Variants in SEMA5A observed in about 807,000 individuals in gnomAD.
The protein encoded by SEMA5A is semaphorin-5A.
Under a neutral mutation model 135.5 loss-of-function variants are expected in SEMA5A, and 55 were observed. The ratio of observed to expected loss-of-function variants is 0.41; its 90% CI spans 0.33 to 0.51. The LOEUF (loss-of-function observed/expected upper bound fraction) is 0.51. Ranked by LOEUF, SEMA5A falls within the 20% of genes least tolerant of loss-of-function variation. SEMA5A has a pLI of 0.37. For synonymous variants in SEMA5A, 580 were observed against 546.5 expected (o/e 1.06, Z -0.85); for missense variants, 1,290 against 1,419.9 (o/e 0.91, Z 1.47).
chr5:9,390,716 C>T (rs1247670005), intron 2 of SEMA5A, among the ~76,000 whole-genome samples: 2 of 151,042 alleles, frequency 1.3e-5, no homozygotes, highest in African/African-American at 4.9e-5. Flanking sequence ...GAGCACTAAT[C>T]ACCATTTTTG....
chr5:9,249,366 T>A (rs1422392875), intron 5 of SEMA5A, among the ~76,000 whole-genome samples: 1 of 152,186 alleles, frequency 6.6e-6, no homozygotes, highest in Non-Finnish European at 1.5e-5. Flanking sequence ...TTACTCCGGC[T>A]AACCATGCCA....
At chr5:9,196,117 G>A (rs1256555716) in intron 10 of SEMA5A, among the ~76,000 whole-genome samples, 2 of 152,232 alleles carry the variant, frequency 1.3e-5, no homozygotes, top group Non-Finnish European at 2.9e-5. Context: ...TGCTAAAAAT[G>A]ACAGCTGTGA....
In SEMA5A at chr5:9,069,872, C is replaced by T. The variant is rs188141786; in HGVS notation, c.2074-3226G>A. 2.3e-4 allele frequency among the ~76,000 whole-genome samples: 35 copies of T among 152,246 alleles called. No homozygotes were observed. The East Asian group carries it at 4.4e-3, about 19-fold the overall frequency. ...CAGTCATGTGAAAAGCCAGGCACAA[C>T]GCGTGTGTGATCTCTTTCACTTGGA... On this transcript the variant is annotated intron_variant, in intron 16 of 22. Coordinates refer to ENST00000382496, the MANE Select transcript of SEMA5A (RefSeq NM_003966.3).
chr5:9,377,994 C>A (rs1200482538), intron 3 of SEMA5A, among the ~76,000 whole-genome samples: 1 of 152,074 alleles, frequency 6.6e-6, no homozygotes, highest in Non-Finnish European at 1.5e-5. Context: ...TCTCAAGAGG[C>A]TACACTGGGC....
intron 5 of SEMA5A, among the ~76,000 whole-genome samples, chr5:9,282,604 G>GA (rs946851689): frequency 1.7e-4 from 26 of 152,076 alleles, no homozygotes; most frequent in Admixed American, 4.6e-4. Context: ...TAGAAAATAA[G>GA]AAAAAAACAG....
intron 16 of SEMA5A, among the ~76,000 whole-genome samples, chr5:9,091,450 T>G (rs1739029696): frequency 6.6e-6 from 1 of 151,838 alleles, no homozygotes. Flanking sequence ...CCTGAGAAGT[T>G]TGTGTAAGAT....
intron 6 of SEMA5A, 21 bp from the exon 7 acceptor site, chr5:9,226,988 T>A (rs748861147): frequency 2.9e-5 from 36 of 1,257,674 alleles, no homozygotes; most frequent in Middle Eastern, 2.0e-4. Flanking sequence ...ATAAATAAAT[T>A]AATTAAAAAT....
At chr5:9,405,873 G>A (rs950880521) in intron 2 of SEMA5A, among the ~76,000 whole-genome samples, 10 of 152,222 alleles carry the variant, frequency 6.6e-5, no homozygotes, top group Admixed American at 6.5e-5. Context: ...ACTCATCCAC[G>A]GTGAGCAGAT....
chr5:9,080,625 C>A (rs1458021133), intron 16 of SEMA5A, among the ~76,000 whole-genome samples: 1 of 151,810 alleles, frequency 6.6e-6, no homozygotes, highest in Non-Finnish European at 1.5e-5. Flanking sequence ...CTACTAAAGA[C>A]CTCCACAAAG....
chr5:9,130,760 T>G (rs181744195), intron 13 of SEMA5A, among the ~76,000 whole-genome samples: 2 of 152,324 alleles, frequency 1.3e-5, no homozygotes, highest in Admixed American at 1.3e-4. Context: ...TCACCTACTC[T>G]CTAAGCATCA....
intron 21 of SEMA5A, among the ~76,000 whole-genome samples, chr5:9,046,119 G>A (rs114539055): frequency 0.019 from 2,905 of 152,266 alleles, 96 homozygotes; most frequent in African/African-American, 0.066. Flanking sequence ...TGCTGCCCAT[G>A]GGGTACTGGC....
chr5:9,184,795 G>A (rs1320161517), intron 11 of SEMA5A, among the ~76,000 whole-genome samples: 8 of 151,604 alleles, frequency 5.3e-5, no homozygotes, highest in Non-Finnish European at 1.2e-4. Context: ...AAGTAACTTT[G>A]TGGCACATGT....
chr5:9,120,768 T>C (rs1740770592), intron 14 of SEMA5A, among the ~76,000 whole-genome samples: 2 of 149,748 alleles, frequency 1.3e-5, no homozygotes. Context: ...TTAAATCTTT[T>C]AGCAAATGTG....
At chr5:9,256,511 C>T (rs1481353866) in intron 5 of SEMA5A, among the ~76,000 whole-genome samples, 1 of 152,192 alleles carries the variant, frequency 6.6e-6, no homozygotes, top group Non-Finnish European at 1.5e-5. Context: ...AAGAGTAGAC[C>T]ATTCTTTGCC....
At chr5:9,456,254 G>A (rs1005384447) in intron 1 of SEMA5A, among the ~76,000 whole-genome samples, 1 of 152,234 alleles carries the variant, frequency 6.6e-6, no homozygotes, top group African/African-American at 2.4e-5. Flanking sequence ...TGCCAAGGAG[G>A]AAACTGTGTG....
intron 3 of SEMA5A, among the ~76,000 whole-genome samples, chr5:9,364,153 A>G (rs1754817386): frequency 6.6e-6 from 1 of 152,214 alleles, no homozygotes; most frequent in African/African-American, 2.4e-5. Flanking sequence ...TTTAACAACC[A>G]TGTAAATTTA....
chr5:9,225,835 CTT>C (rs551600109), intron 7 of SEMA5A, among the ~76,000 whole-genome samples: 502 of 152,232 alleles, frequency 3.3e-3, no homozygotes, highest in Middle Eastern at 0.01. Flanking sequence ...CTGGTGGAAT[CTT>C]TGCTCAATTT....
At chr5:9,513,109 TATA>T (rs1378367067) in intron 1 of SEMA5A, among the ~76,000 whole-genome samples, 1 of 148,780 alleles carries the variant, frequency 6.7e-6, no homozygotes, top group Non-Finnish European at 1.5e-5. Context: ...CTAGAGTAAA[TATA>T]ATATGTTGAT....
rs566802910 is a variant in SEMA5A at position 9,035,854 on chromosome 5, A to G, written c.*7043T>C. On this transcript the variant is annotated 3_prime_UTR_variant, in exon 23 of 23. Transcript: ENST00000382496. ...ATGTAAAGCTATCTCATTGTTTTAA[A>G]AAGCTAAATTATAATTAAGATACAT... is the stretch of plus-strand genomic sequence containing the variant. The G allele has an allele frequency of 2.6e-5, 4 of 152,146 alleles. No homozygotes were observed. The highest frequency in any genetic ancestry group is 2.0e-4 in the Admixed American group (3 of 15,266). 9.4% of individuals were successfully genotyped at this position (152,146 alleles called of 1,614,324 possible). A position where few individuals can be genotyped will look rare whatever the true frequency, so the allele number is the denominator to read the frequency against.
Sources: gnomAD v4.1 joint callset for allele counts (sites outside exome capture counted in the v4.1 genomes callset) on GRCh38, gnomAD v4.1.1 for gene constraint, MANE v1.5 for transcripts, NCBI Gene and HGNC (gene_info 2026-07-23, HGNC 2026-07-21) for gene names.